Variants in DOCK4 observed in about 807,000 individuals in gnomAD.
DOCK4 encodes the protein dedicator of cytokinesis 4.
DOCK4 carries 97 observed loss-of-function variants against 268.1 expected under a neutral mutation model. That is an observed-to-expected ratio of 0.36 (90% CI 0.31 to 0.43). The LOEUF (loss-of-function observed/expected upper bound fraction) is 0.43. Ranked by LOEUF, DOCK4 falls within the 20% of genes least tolerant of loss-of-function variation. The probability of loss-of-function intolerance (pLI) is 1.00; values close to 1 mark genes in which losing one functional copy is unlikely to be tolerated. For synonymous variants in DOCK4, 954 were observed against 887.2 expected, an observed-to-expected ratio of 1.08 and a Z score of -1.34; for missense variants, 2,145 against 2,455.7, an observed-to-expected ratio of 0.87 and a Z score of 2.67.
intron 1 of DOCK4, among the ~76,000 whole-genome samples, chr7:112,086,543 T>C (rs772199722): frequency 3.3e-5 from 5 of 152,142 alleles, no homozygotes; most frequent in Admixed American, 6.6e-5. Context: ...CTCAAAGCTG[T>C]GGCAATACAG....
At position 112,112,204 on chromosome 7, in the gene DOCK4, T is replaced by C. The variant is rs528514959; in HGVS notation, c.37+93898A>G. Among the ~76,000 whole-genome samples the C allele has an allele frequency of 2.6e-5, 4 of 152,242 alleles. No homozygotes were observed. In the South Asian group the frequency reaches 8.3e-4, roughly 32 times the overall value. On this transcript the variant is annotated intron_variant, in intron 1 of 52. Transcript: ENST00000428084. The stretch of plus-strand genomic sequence containing the variant: ...GATCCTTCATGAATGGCTTGGTGCC[T>C]TCACTGTTGTAATGAGTTCATATGA...
At chr7:112,204,201 G>C (rs527615319) in intron 1 of DOCK4, among the ~76,000 whole-genome samples, 1 of 152,140 alleles carries the variant, frequency 6.6e-6, no homozygotes, top group Non-Finnish European at 1.5e-5. Context: ...CCCACCGCTT[G>C]TAAAGAAAGG....
chr7:111,782,165 T>C (rs1798825601), intron 35 of DOCK4, among the ~76,000 whole-genome samples: 1 of 152,238 alleles, frequency 6.6e-6, no homozygotes, highest in Non-Finnish European at 1.5e-5. Flanking sequence ...GCCACTCCTT[T>C]GCTCTGTGGT....
intron 12 of DOCK4, among the ~76,000 whole-genome samples, chr7:111,918,446 G>A (rs1203037456): frequency 6.6e-6 from 1 of 152,184 alleles, no homozygotes; most frequent in Non-Finnish European, 1.5e-5. Flanking sequence ...AAGAAGGGGG[G>A]AATAAGCCAT....
chr7:111,877,980 C>T (rs1009758133), intron 16 of DOCK4, among the ~76,000 whole-genome samples: 2 of 152,276 alleles, frequency 1.3e-5, no homozygotes, highest in African/African-American at 2.4e-5. Context: ...TGCAAAGACA[C>T]GTATCATCAT....
chr7:112,068,673 C>T (rs1239706600), intron 1 of DOCK4, among the ~76,000 whole-genome samples: 1 of 152,184 alleles, frequency 6.6e-6, no homozygotes, highest in East Asian at 1.9e-4. Context: ...CTCTGATATT[C>T]CCATCGGCTG....
chr7:111,856,050 T>C (rs1482612177), intron 23 of DOCK4, among the ~76,000 whole-genome samples: 1 of 152,166 alleles, frequency 6.6e-6, no homozygotes, highest in Non-Finnish European at 1.5e-5. Flanking sequence ...TGGTGCTTGC[T>C]CTGAGCACGG....
chr7:111,795,405 T>C (rs756232677), intron 30 of DOCK4, among the ~76,000 whole-genome samples: 1 of 152,168 alleles, frequency 6.6e-6, no homozygotes, highest in Non-Finnish European at 1.5e-5. Flanking sequence ...TGAGCGACAT[T>C]CTAAAAGGGA....
In DOCK4 at chr7:111,945,747, A is replaced by G. The variant is rs1226580716; in HGVS notation, c.753T>C (p.Asp251=). 4 of 1,599,458 alleles carry G rather than the reference A, an allele frequency of 2.5e-6. No individual in the cohort carries two copies. In the Admixed American group the frequency reaches 5.2e-5, roughly 21 times the overall value. The part of the protein sequence containing the change: ...LNRNGLPKAP[D]KPERHCSLFV... Reference sequence around the variant, plus strand: ...AGAGGGAGCAATGTCGTTCCGGTTTATCAGGGGCTTTGGGAAGCCCGTTTC... The same window carrying G: ...AGAGGGAGCAATGTCGTTCCGGTTTGTCAGGGGCTTTGGGAAGCCCGTTTC... The change falls in exon 9 of 53, where the codon GAT becomes GAC. Residue 251 remains aspartate, a synonymous_variant. Coordinates refer to ENST00000428084, the MANE Select transcript of DOCK4 (RefSeq NM_001363540.2).
intron 1 of DOCK4, among the ~76,000 whole-genome samples, chr7:112,066,528 A>G (rs1806959284): frequency 8.2e-6 from 1 of 122,280 alleles, no homozygotes; most frequent in African/African-American, 4.0e-5. Flanking sequence ...ATATACACAC[A>G]CACATATATA....
intron 1 of DOCK4, among the ~76,000 whole-genome samples, chr7:112,204,902 C>CAT (rs1821255242): frequency 6.6e-6 from 1 of 151,900 alleles, no homozygotes; most frequent in Non-Finnish European, 1.5e-5. Flanking sequence ...CACACACACA[C>CAT]ACACACAAAG....
At chr7:111,903,251 G>C (rs1306242380) in intron 13 of DOCK4, among the ~76,000 whole-genome samples, 1 of 152,040 alleles carries the variant, frequency 6.6e-6, no homozygotes, top group Non-Finnish European at 1.5e-5. Context: ...GGCTGACAAG[G>C]ATACAGGTGG....
chr7:112,164,003 C>G (rs576428331), intron 1 of DOCK4, among the ~76,000 whole-genome samples: 1 of 152,176 alleles, frequency 6.6e-6, no homozygotes, highest in African/African-American at 2.4e-5. Context: ...CCTATCTTGG[C>G]CAGGCCCAGA....
At chr7:111,994,063 C>G in intron 5 of DOCK4, 72 bp downstream of exon 5, 2 of 972,644 alleles carry the variant, frequency 2.1e-6, no homozygotes, top group Non-Finnish European at 3.2e-6. Flanking sequence ...TTAGTTAATG[C>G]TTACTCATGT....
rs537387515 is a variant in DOCK4, at chr7:111,800,875, T to C, written c.3166+7946A>G. Among the ~76,000 whole-genome samples the C allele has an allele frequency of 9.9e-5, 15 of 152,162 alleles. 2 individuals carry two copies. The South Asian group carries it at 3.1e-3, about 32-fold the overall frequency. On this transcript the variant is annotated intron_variant, in intron 30 of 52. Transcript: ENST00000428084. Reference sequence around the variant, plus strand: ...CCCCCTAACAGCAGTTAGGTTTACGTCTCTTTAAAGGGGGAATAATACAGG... The same window carrying C: ...CCCCCTAACAGCAGTTAGGTTTACGCCTCTTTAAAGGGGGAATAATACAGG...
chr7:111,960,241 G>T (rs941895730), intron 8 of DOCK4, among the ~76,000 whole-genome samples: 1 of 151,260 alleles, frequency 6.6e-6, no homozygotes, highest in African/African-American at 2.4e-5. Flanking sequence ...GGCATATGCC[G>T]GTAGTCCCAG....
At chr7:111,851,946 T>C (rs1279041151) in intron 23 of DOCK4, among the ~76,000 whole-genome samples, 1 of 149,848 alleles carries the variant, frequency 6.7e-6, no homozygotes, top group Non-Finnish European at 1.5e-5. Context: ...TCTCTCTCTC[T>C]CTCTCTCCTT....
intron 16 of DOCK4, among the ~76,000 whole-genome samples, chr7:111,892,625 C>T (rs1345478293): frequency 6.6e-6 from 1 of 152,216 alleles, no homozygotes; most frequent in Non-Finnish European, 1.5e-5. Flanking sequence ...ATTAAATGGG[C>T]TATACTTTTA....
chr7:111,992,806 T>C (rs1586592306), intron 5 of DOCK4, among the ~76,000 whole-genome samples: 2 of 152,224 alleles, frequency 1.3e-5, no homozygotes, highest in South Asian at 4.1e-4. Flanking sequence ...GTATTTGGAA[T>C]GCAGTGGTTT....
Sources: gnomAD v4.1 joint callset for allele counts (sites outside exome capture counted in the v4.1 genomes callset) on GRCh38, gnomAD v4.1.1 for gene constraint, MANE v1.5 for transcripts, NCBI Gene and HGNC (gene_info 2026-07-23, HGNC 2026-07-21) for gene names.